RBFOX1: variants seen among roughly 807,000 people sequenced by gnomAD.
RBFOX1 encodes RNA binding fox-1 homolog 1, also known as RNA binding protein fox-1 homolog 1.
In RBFOX1, 8 loss-of-function variants were observed where a neutral mutation model predicts 57.7. The observed-to-expected ratio is 0.14, with a 90% CI of 0.08 to 0.25. The LOEUF is 0.25. Among genes scored for constraint, RBFOX1 ranks in the 10% least tolerant of loss-of-function variants. The pLI is 1.00. For synonymous variants in RBFOX1, 326 were observed against 222.4 expected (o/e 1.47, Z -4.15); for missense variants, 611 against 548.5 (o/e 1.11, Z -1.14).
intron 4 of RBFOX1, among the ~76,000 whole-genome samples, chr16:7,281,689 G>A (rs1193638078): frequency 6.6e-6 from 1 of 152,080 alleles, no homozygotes; most frequent in African/African-American, 2.4e-5. Flanking sequence ...ATGCAAATCA[G>A]TCATCATAAA....
rs576774974 is a variant in RBFOX1 at position 6,520,671 on chromosome 16, C to G, written c.-63-133932C>G. 8.6e-4 allele frequency among the ~76,000 whole-genome samples: 131 copies of G among 152,322 alleles called. 1 individual carries two copies. The South Asian group carries it at 0.025, about 29-fold the overall frequency. On this transcript the variant is annotated intron_variant, in intron 2 of 15. Coordinates refer to ENST00000550418, the MANE Select transcript of RBFOX1 (RefSeq NM_018723.4). ...GAAAAGGGCAGGACCCAGGACAGTTCTGCAGGGCCTCAGCAGCAGGAACCC... is the reference window on the plus strand; with the variant it reads ...GAAAAGGGCAGGACCCAGGACAGTTGTGCAGGGCCTCAGCAGCAGGAACCC...
chr16:5,903,434 A>G (rs1410285243), intron 4 of RBFOX1, among the ~76,000 whole-genome samples: 1 of 152,144 alleles, frequency 6.6e-6, no homozygotes, highest in Admixed American at 6.5e-5. Flanking sequence ...CCCTGTTTGC[A>G]AAAGGGGGCA....
intron 1 of RBFOX1, among the ~76,000 whole-genome samples, chr16:6,030,143 G>C (rs146752449): frequency 7.0e-4 from 107 of 152,240 alleles, no homozygotes; most frequent in African/African-American, 2.5e-3. Flanking sequence ...GCCCAGGCTG[G>C]TCTTGAACTC....
intron 3 of RBFOX1, among the ~76,000 whole-genome samples, chr16:6,943,405 A>T (rs1419823507): frequency 1.3e-5 from 2 of 152,142 alleles, no homozygotes; most frequent in African/African-American, 4.8e-5. Context: ...CTGAAAATCT[A>T]ACTTAAGAGT....
chr16:5,799,084 G>T (rs2054974341), intron 3 of RBFOX1, among the ~76,000 whole-genome samples: 1 of 152,130 alleles, frequency 6.6e-6, no homozygotes, highest in South Asian at 2.1e-4. Context: ...ACTCACAGTT[G>T]CACATGGCTG....
chr16:5,630,440 G>T (rs1169748119), intron 3 of RBFOX1, among the ~76,000 whole-genome samples: 1 of 151,962 alleles, frequency 6.6e-6, no homozygotes, highest in Non-Finnish European at 1.5e-5. Context: ...CTGGGTGACA[G>T]AGTAAGACTC....
intron 2 of RBFOX1, among the ~76,000 whole-genome samples, chr16:6,587,355 C>T (rs1452822416): frequency 6.6e-6 from 1 of 152,090 alleles, no homozygotes; most frequent in South Asian, 2.1e-4. Flanking sequence ...CATCCTAGCT[C>T]ACAGCAAACT....
intron 4 of RBFOX1, among the ~76,000 whole-genome samples, chr16:7,402,699 G>A (rs2098265457): frequency 6.6e-6 from 1 of 152,122 alleles, no homozygotes; most frequent in Non-Finnish European, 1.5e-5. Context: ...ACAGCCACTG[G>A]CACCTAATAT....
At chr16:5,581,098 C>A (rs947938392) in intron 2 of RBFOX1, among the ~76,000 whole-genome samples, 10 of 152,192 alleles carry the variant, frequency 6.6e-5, no homozygotes, top group African/African-American at 2.2e-4. Context: ...CACGTAGCCA[C>A]CATTGTAGAT....
At chr16:5,785,215 G>A (rs1276744311) in intron 3 of RBFOX1, among the ~76,000 whole-genome samples, 1 of 152,190 alleles carries the variant, frequency 6.6e-6, no homozygotes, top group African/African-American at 2.4e-5. Flanking sequence ...TCTCTTCTCA[G>A]TGAAGGCACT....
At chr16:6,930,962 C>G (rs1331004408) in intron 3 of RBFOX1, among the ~76,000 whole-genome samples, 1 of 151,860 alleles carries the variant, frequency 6.6e-6, no homozygotes, top group African/African-American at 2.4e-5. Context: ...ATCCCACCCC[C>G]CTACACACAT....
chr16:6,439,191 A>G (rs967214951), intron 2 of RBFOX1, among the ~76,000 whole-genome samples: 3 of 152,192 alleles, frequency 2.0e-5, no homozygotes, highest in African/African-American at 7.2e-5. Context: ...TCAGTTGCAT[A>G]CAGGCAGTGA....
intron 3 of RBFOX1, among the ~76,000 whole-genome samples, chr16:5,607,861 C>G (rs931071391): frequency 1.3e-5 from 2 of 152,316 alleles, no homozygotes; most frequent in East Asian, 3.9e-4. Flanking sequence ...GTATGTACCA[C>G]TAGCTACTCT....
intron 3 of RBFOX1, among the ~76,000 whole-genome samples, chr16:5,732,764 T>C (rs1368832843): frequency 6.6e-6 from 1 of 152,196 alleles, no homozygotes; most frequent in Non-Finnish European, 1.5e-5. Context: ...TCCCAGGTCC[T>C]AGGGGAGGAC....
chr16:7,430,436 C>T (rs1234528189), intron 4 of RBFOX1, among the ~76,000 whole-genome samples: 1 of 152,006 alleles, frequency 6.6e-6, no homozygotes, highest in African/African-American at 2.4e-5. Flanking sequence ...CTGAGGCAGG[C>T]AGATCACAAG....
intron 4 of RBFOX1, among the ~76,000 whole-genome samples, chr16:5,906,869 G>A (rs1333635968): frequency 2.0e-5 from 3 of 149,822 alleles, no homozygotes; most frequent in Non-Finnish European, 4.4e-5. Context: ...TGAGTAACTA[G>A]GATTACAGGT....
intron 4 of RBFOX1, among the ~76,000 whole-genome samples, chr16:5,967,584 A>T (rs2059871996): frequency 1.3e-5 from 2 of 152,178 alleles, no homozygotes; most frequent in African/African-American, 4.8e-5. Context: ...CACAATTTTA[A>T]AAGGATAAAA....
intron 5 of RBFOX1, among the ~76,000 whole-genome samples, chr16:7,557,918 T>C (rs558546209): frequency 1.2e-4 from 19 of 152,176 alleles, no homozygotes; most frequent in African/African-American, 4.1e-4. Flanking sequence ...GGAAAAAATA[T>C]GCAGAAGTGG....
At chr16:6,697,257 T>C (rs964871317) in intron 3 of RBFOX1, among the ~76,000 whole-genome samples, 3 of 152,172 alleles carry the variant, frequency 2.0e-5, no homozygotes, top group Admixed American at 2.0e-4. Flanking sequence ...GGTTTTTAAA[T>C]TTTCTGCATC....
Sources: allele counts gnomAD v4.1 joint callset (sites outside exome capture counted in the v4.1 genomes callset), GRCh38; gene constraint gnomAD v4.1.1; transcripts MANE v1.5; gene names NCBI Gene and HGNC (gene_info 2026-07-23, HGNC 2026-07-21).